RBKS: variants seen among roughly 807,000 people sequenced by gnomAD.
RBKS encodes ribokinase.
Under a neutral mutation model 33.9 loss-of-function variants are expected in RBKS, and 33 were observed. That is an observed-to-expected ratio of 0.97 (90% CI 0.74 to 1.30). RBKS has a LOEUF of 1.30. RBKS is among the 50% of genes most tolerant of loss of function. The probability of loss-of-function intolerance (pLI) is 0.00; values close to 1 mark genes in which losing one functional copy is unlikely to be tolerated. For missense variants in RBKS, 361 were observed against 392.6 expected, an observed-to-expected ratio of 0.92 and a Z score of 0.68; for synonymous variants, 125 against 143.0, an observed-to-expected ratio of 0.87 and a Z score of 0.90.
chr2:27,865,623 G>A (rs1420015721), intron 1 of RBKS, among the ~76,000 whole-genome samples: 1 of 144,332 alleles, frequency 6.9e-6, no homozygotes, highest in Admixed American at 7.0e-5. Flanking sequence ...AAGTTGCCCA[G>A]GGCTGGTCTT....
chr2:27,797,219 C>T (rs1361690234), intron 7 of RBKS, among the ~76,000 whole-genome samples: 1 of 152,144 alleles, frequency 6.6e-6, no homozygotes, highest in African/African-American at 2.4e-5. Context: ...TTTGGGGCTG[C>T]GGTGTGCGAT....
chr2:27,877,904 C>A (rs1664343958), intron 1 of RBKS, among the ~76,000 whole-genome samples: 1 of 152,116 alleles, frequency 6.6e-6, no homozygotes, highest in South Asian at 2.1e-4. Context: ...AAGAAGAATG[C>A]CTTTGATGCC....
At chr2:27,861,037 G>A (rs932460665) in intron 1 of RBKS, among the ~76,000 whole-genome samples, 13 of 151,196 alleles carry the variant, frequency 8.6e-5, no homozygotes, top group African/African-American at 7.3e-5. Context: ...GCACGATCTC[G>A]GCTCACTGCA....
At position 27,781,803 on chromosome 2, in the gene RBKS, A is replaced by G; in HGVS notation, c.796-15T>C. ...TCACCAGCACCCTGTAATTGAAAGC[A>G]CAGTTTTGAAGATAAGCATGTAGTC... On this transcript the variant is annotated splice_polypyrimidine_tract_variant and intron_variant, in intron 7 of 7. Transcript: ENST00000302188. 2 of 1,601,716 alleles carry G rather than the reference A, an allele frequency of 1.2e-6. No individual in the cohort carries two copies. The highest frequency in any genetic ancestry group is 1.7e-6 in the Non-Finnish European group (2 of 1,173,954).
chr2:27,861,663 TG>T (rs56729802), intron 1 of RBKS: 6,954 of 298,718 alleles, frequency 0.023, 8 homozygotes, highest in South Asian at 0.032. Context: ...CATTTCTTTT[TG>T]GGGGGGGGGT....
intron 1 of RBKS, chr2:27,870,923 T>A (rs902910702): frequency 2.2e-5 from 10 of 456,638 alleles, no homozygotes; most frequent in Admixed American, 2.1e-4. Flanking sequence ...CAAGCATTGT[T>A]GCCTTGTCAA....
At chr2:27,859,980 TAA>T (rs1663940541) in intron 1 of RBKS, among the ~76,000 whole-genome samples, 1 of 152,190 alleles carries the variant, frequency 6.6e-6, no homozygotes, top group African/African-American at 2.4e-5. Flanking sequence ...TATATAGCTC[TAA>T]AAGTGTCAAT....
intron 7 of RBKS, among the ~76,000 whole-genome samples, chr2:27,798,207 T>A (rs575145678): frequency 2.6e-5 from 4 of 152,110 alleles, no homozygotes; most frequent in Non-Finnish European, 5.9e-5. Context: ...TATGTAGCCA[T>A]ACAGTTTCAG....
At chr2:27,789,335 A>G (rs1234756276) in intron 7 of RBKS, among the ~76,000 whole-genome samples, 1 of 151,958 alleles carries the variant, frequency 6.6e-6, no homozygotes, top group African/African-American at 2.4e-5. Flanking sequence ...TTGAAATCCA[A>G]TATACTCCAA....
rs1034235903 is a variant in RBKS, at chr2:27,855,057, C to G, written c.222+3382G>C. Among the ~76,000 whole-genome samples the G allele has an allele frequency of 5.9e-5, 9 of 151,978 alleles. No homozygotes were observed. The East Asian group carries it at 1.7e-3, about 29-fold the overall frequency. ...AAGTGTTCTTACTACCCCCCGCCCC[C>G]CCACCACACAAAGTTGCTTTTTCTT... On this transcript the variant is annotated intron_variant, in intron 2 of 7. Transcript: ENST00000302188.
intron 7 of RBKS, chr2:27,809,717 T>C: frequency 3.1e-6 from 1 of 327,810 alleles, no homozygotes; most frequent in South Asian, 2.6e-5. Flanking sequence ...TTCTAACAGC[T>C]GCTTTTTTAT....
chr2:27,801,960 A>AT (rs1362578399), intron 7 of RBKS, among the ~76,000 whole-genome samples: 245 of 68,638 alleles, frequency 3.6e-3, no homozygotes, highest in African/African-American at 7.3e-3. Flanking sequence ...GAAAAAAAAA[A>AT]AAAATATATA....
intron 3 of RBKS, 132 bp from the exon 4 acceptor site, chr2:27,847,236 A>T: frequency 1.8e-6 from 1 of 561,178 alleles, no homozygotes; most frequent in Non-Finnish European, 3.2e-6. Flanking sequence ...ATAAAAAAAA[A>T]TAAGTAATTA....
At chr2:27,875,880 A>G (rs1360349116) in intron 1 of RBKS, among the ~76,000 whole-genome samples, 1 of 152,192 alleles carries the variant, frequency 6.6e-6, no homozygotes, top group Non-Finnish European at 1.5e-5. Context: ...TGACAGATAT[A>G]CATACATATG....
intron 7 of RBKS, among the ~76,000 whole-genome samples, chr2:27,808,309 T>G (rs1035045700): frequency 2.0e-5 from 3 of 152,238 alleles, no homozygotes; most frequent in African/African-American, 7.2e-5. Context: ...CTATTAACTT[T>G]CATCCCAGAA....
At chr2:27,864,071 G>C (rs1664041173) in intron 1 of RBKS, among the ~76,000 whole-genome samples, 1 of 152,004 alleles carries the variant, frequency 6.6e-6, no homozygotes. Context: ...CTGTTGCCCA[G>C]GCTGGAGTGC....
intron 2 of RBKS, 106 bp downstream of exon 2, chr2:27,858,333 C>T (rs1663900556): frequency 8.0e-6 from 9 of 1,130,994 alleles, no homozygotes; most frequent in Non-Finnish European, 1.1e-5. Context: ...TTACATGCCA[C>T]TGAACTGTTC....
At chr2:27,815,983 C>T (rs1219442362) in intron 7 of RBKS, among the ~76,000 whole-genome samples, 1 of 152,214 alleles carries the variant, frequency 6.6e-6, no homozygotes, top group Non-Finnish European at 1.5e-5. Context: ...TATTTGAGTT[C>T]TGAAGCAGGG....
intron 1 of RBKS, among the ~76,000 whole-genome samples, chr2:27,884,067 A>G (rs566133439): frequency 6.6e-6 from 1 of 152,344 alleles, no homozygotes; most frequent in East Asian, 1.9e-4. Flanking sequence ...AATACTGGGA[A>G]AGCATGATAC....
Sources: allele counts gnomAD v4.1 joint callset (sites outside exome capture counted in the v4.1 genomes callset), GRCh38; gene constraint gnomAD v4.1.1; transcripts MANE v1.5; gene names NCBI Gene and HGNC (gene_info 2026-07-23, HGNC 2026-07-21).